Variants in PCDH11X observed in about 807,000 individuals in gnomAD.
PCDH11X encodes the protein protocadherin-11 X-linked.
PCDH11X carries 18 observed loss-of-function variants against 53.3 expected under a neutral mutation model. That is an observed-to-expected ratio of 0.34 (90% confidence interval 0.23 to 0.50). The LOEUF (loss-of-function observed/expected upper bound fraction) is 0.50. Among genes scored for constraint, PCDH11X ranks in the 20% least tolerant of loss-of-function variants. The pLI is 0.98. For synonymous variants in PCDH11X, 279 were observed against 393.3 expected (o/e 0.71, Z 3.44); for missense variants, 570 against 1,032.4 (o/e 0.55, Z 6.14).
chrX:92,310,703 T>A (rs898927591), intron 8 of PCDH11X, among the ~76,000 whole-genome samples: 102 of 111,363 alleles, frequency 9.2e-4, no homozygotes, highest in Non-Finnish European at 1.7e-3. Flanking sequence ...ATGGTAATTT[T>A]AAAATATTTA....
chrX:92,347,853 C>A lies in PCDH11X; in HGVS notation c.3145-39882C>A, dbSNP rs192169008. 6.7e-3 allele frequency among the ~76,000 whole-genome samples: 750 copies of A among 111,985 alleles called. 6 individuals carry two copies. The highest frequency in any genetic ancestry group is 0.028 in the Middle Eastern group (6 of 215). ...TCAATTGACTTGCAAATCAATTTTT[C>A]TTATTTTCTCCAAGTAGCATAATTT... On this transcript the variant is annotated intron_variant, in intron 8 of 10. Transcript: ENST00000682573.
chrX:91,878,301 G>A lies in PCDH11X; in HGVS notation c.2061G>A (p.Pro687=), dbSNP rs145794638. Residue 687 remains proline (P), a synonymous_variant, in exon 6 of 11, where the codon CCG becomes CCA. Transcript: ENST00000682573. Reference sequence around the variant, plus strand: ...ACTGTTCTTATGAATTGGTTCTACCGTCCACTAATCCAGGCACAGTGGTCT... The same window carrying A: ...ACTGTTCTTATGAATTGGTTCTACCATCCACTAATCCAGGCACAGTGGTCT... ...PSNCSYELVL[P]STNPGTVVFQ... is the part of the protein sequence containing the mutation. 1.7e-3 allele frequency: 2,051 copies of A among 1,208,256 alleles called. 14 individuals carry two copies. In the African/African-American group the frequency reaches 0.024, roughly 14 times the overall value.
chrX:91,892,276 T>C (rs182957402), intron 6 of PCDH11X, among the ~76,000 whole-genome samples: 2,328 of 106,706 alleles, frequency 0.022, 76 homozygotes, highest in African/African-American at 0.075. Flanking sequence ...AGTTACCTGT[T>C]CCACTACTAA....
chrX:92,475,991 C>A (rs2148668555), intron 10 of PCDH11X, among the ~76,000 whole-genome samples: 1 of 111,832 alleles, frequency 8.9e-6, no homozygotes, highest in East Asian at 2.8e-4. Flanking sequence ...TGTGTCCCCA[C>A]TCAAATCTCA....
chrX:92,188,434 A>G (rs2066136820), intron 6 of PCDH11X, among the ~76,000 whole-genome samples: 1 of 111,530 alleles, frequency 9.0e-6, no homozygotes, highest in Non-Finnish European at 1.9e-5. Flanking sequence ...ATGTAATAGT[A>G]GGGAAAGAAA....
intron 9 of PCDH11X, among the ~76,000 whole-genome samples, chrX:92,421,176 G>A (rs1412555626): frequency 9.0e-6 from 1 of 111,487 alleles, no homozygotes; most frequent in Non-Finnish European, 1.9e-5. Flanking sequence ...TATATTGCAT[G>A]CCATGGGGCC....
chrX:92,217,979 G>A lies in PCDH11X; in HGVS notation c.3114+16524G>A, dbSNP rs1426729108. On this transcript the variant is annotated intron_variant, in intron 7 of 10. Transcript: ENST00000682573. ...CTGGGTACATAACGAAATGAAGGCA[G>A]AAATAAAGATGTTCTTTGAAACCAA... Among the ~76,000 whole-genome samples the A allele has an allele frequency of 2.8e-5, 3 of 107,628 alleles. No individual in the cohort carries two copies. In the Admixed American group the frequency reaches 3.0e-4, roughly 11 times the overall value. The allele number at this position is 107,628 out of a possible 115,157, so 93.5% of individuals were successfully genotyped here. A position where few individuals can be genotyped will look rare whatever the true frequency, so the allele number is the denominator to read the frequency against.
Position 92,427,802 on chromosome X carries a change from T to C in PCDH11X, c.3343+39869T>C, listed in dbSNP as rs189828541. 8.4e-3 allele frequency among the ~76,000 whole-genome samples: 530 copies of C among 63,418 alleles called. 7 individuals carry two copies. Among genetic ancestry groups the C allele is most frequent in the African/African-American group, 0.032 (507 of 15,723 alleles). The allele number at this position is 63,418 out of a possible 115,157, so 55.1% of individuals were successfully genotyped here. The stretch of plus-strand genomic sequence containing the variant: ...TATTATGGTGCTGGTTAACATAACA[T>C]GTAGTTAGTGAAATCACCAATAAAT... On this transcript the variant is annotated intron_variant, in intron 9 of 10. Transcript: ENST00000682573.
intron 9 of PCDH11X, among the ~76,000 whole-genome samples, chrX:92,393,726 T>C (rs1207419924): frequency 9.0e-6 from 1 of 111,024 alleles, no homozygotes; most frequent in Non-Finnish European, 1.9e-5. Flanking sequence ...GTAAATAGTG[T>C]TAGAAAAGTA....
At chrX:92,263,203 G>T (rs2067757064) in intron 8 of PCDH11X, 60 bp downstream of exon 8, 6 of 977,378 alleles carry the variant, frequency 6.1e-6, no homozygotes, top group Middle Eastern at 5.3e-4. Flanking sequence ...ACTGTGTGAA[G>T]CTACAGTAGT....
At chrX:92,348,815 G>A (rs2148523734) in intron 8 of PCDH11X, among the ~76,000 whole-genome samples, 1 of 107,276 alleles carries the variant, frequency 9.3e-6, no homozygotes, top group African/African-American at 3.4e-5. Context: ...GGATTTACAG[G>A]CGTGAGCCAA....
intron 5 of PCDH11X, among the ~76,000 whole-genome samples, chrX:91,838,747 T>C (rs1200172096): frequency 9.2e-6 from 1 of 108,137 alleles, no homozygotes; most frequent in Non-Finnish European, 1.9e-5. Context: ...GCTCTACTTT[T>C]GTTGAATAGA....
intron 10 of PCDH11X, among the ~76,000 whole-genome samples, chrX:92,613,545 T>TGTGTGTG (rs1183707374): frequency 3.1e-5 from 2 of 65,539 alleles, no homozygotes; most frequent in African/African-American, 1.1e-4. Flanking sequence ...GTTGTTGTTG[T>TGTGTGTG]TGTGTGTGTG....
intron 1 of PCDH11X, among the ~76,000 whole-genome samples, chrX:91,789,324 A>T (rs1451434034): frequency 1.0e-5 from 1 of 97,584 alleles, no homozygotes; most frequent in Non-Finnish European, 2.1e-5. Context: ...AATACATTAA[A>T]TTTTTTTAAA....
chrX:91,793,425 T>A (rs2524835), intron 1 of PCDH11X, among the ~76,000 whole-genome samples: 34,803 of 109,040 alleles, frequency 0.32, 4,848 homozygotes, highest in African/African-American at 0.51. Context: ...GTGAGCACTT[T>A]TTGAATCTTA....
intron 10 of PCDH11X, among the ~76,000 whole-genome samples, chrX:92,518,502 T>C (rs2074306128): frequency 8.9e-6 from 1 of 111,843 alleles, no homozygotes. Context: ...TTCTTGAACA[T>C]CACAATCTTT....
chrX:92,460,713 C>A, intron 9 of PCDH11X: 2 of 1,025,223 alleles, frequency 2.0e-6, no homozygotes, highest in Non-Finnish European at 2.7e-6. Context: ...CTGGCACAGA[C>A]CCGGGCAGAG....
chrX:92,223,356 CT>C (rs1393427370), intron 7 of PCDH11X, among the ~76,000 whole-genome samples: 1 of 111,934 alleles, frequency 8.9e-6, no homozygotes, highest in Non-Finnish European at 1.9e-5. Context: ...ACTTCACTAA[CT>C]TCACTAACAC....
At chrX:91,995,316 G>T (rs1291981806) in intron 6 of PCDH11X, among the ~76,000 whole-genome samples, 3 of 110,253 alleles carry the variant, frequency 2.7e-5, no homozygotes, top group Non-Finnish European at 3.8e-5. Context: ...ACAGTTTTAT[G>T]AGTTATATTT....
Sources: allele counts gnomAD v4.1 joint callset (sites outside exome capture counted in the v4.1 genomes callset), GRCh38; gene constraint gnomAD v4.1.1; transcripts MANE v1.5; gene names NCBI Gene and HGNC (gene_info 2026-07-23, HGNC 2026-07-21).